Variants in EPHA3 observed in about 807,000 individuals in gnomAD.
EPHA3 encodes the protein ephrin type-A receptor 3.
EPHA3 carries 42 observed loss-of-function variants against 107.1 expected under a neutral mutation model. The ratio of observed to expected loss-of-function variants is 0.39; its 90% confidence interval spans 0.31 to 0.51. The LOEUF is 0.51. EPHA3 is among the 20% of genes least tolerant of loss of function. EPHA3 has a pLI of 0.78. For synonymous variants in EPHA3, 461 were observed against 424.8 expected, an observed-to-expected ratio of 1.09 and a Z score of -1.05; for missense variants, 1,183 against 1,211.2, an observed-to-expected ratio of 0.98 and a Z score of 0.35.
chr3:89,132,944 G>T (rs1271546629), intron 2 of EPHA3, among the ~76,000 whole-genome samples: 5 of 152,098 alleles, frequency 3.3e-5, no homozygotes, highest in African/African-American at 1.2e-4. Flanking sequence ...TCTAAAAAAA[G>T]GAATTAGAGT....
chr3:89,316,483 G>GTT (rs1706902361), intron 3 of EPHA3, among the ~76,000 whole-genome samples: 2 of 119,788 alleles, frequency 1.7e-5, no homozygotes, highest in African/African-American at 6.4e-5. Context: ...ATATATGTGT[G>GTT]TGTGTGTGTG....
intron 5 of EPHA3, among the ~76,000 whole-genome samples, chr3:89,377,827 T>C (rs941070619): frequency 1.3e-5 from 2 of 152,114 alleles, no homozygotes; most frequent in African/African-American, 4.8e-5. Flanking sequence ...TATAATAGTT[T>C]CATACAGATC....
chr3:89,446,307 C>A (rs1303582072), intron 13 of EPHA3, among the ~76,000 whole-genome samples: 1 of 152,200 alleles, frequency 6.6e-6, no homozygotes, highest in East Asian at 1.9e-4. Context: ...ACAGCAGATA[C>A]CTCTCCAACA....
At chr3:89,177,077 T>C (rs1232653010) in intron 2 of EPHA3, among the ~76,000 whole-genome samples, 1 of 149,620 alleles carries the variant, frequency 6.7e-6, no homozygotes, top group Non-Finnish European at 1.5e-5. Flanking sequence ...TCACTCTGCG[T>C]GTGTGTGTGT....
At chr3:89,282,916 G>T (rs1158106403) in intron 3 of EPHA3, among the ~76,000 whole-genome samples, 2 of 152,042 alleles carry the variant, frequency 1.3e-5, no homozygotes, top group Non-Finnish European at 2.9e-5. Flanking sequence ...CCACTGAAAG[G>T]CTTTGCCTTT....
intron 3 of EPHA3, among the ~76,000 whole-genome samples, chr3:89,322,478 G>GA (rs1206085476): frequency 2.6e-5 from 4 of 152,056 alleles, no homozygotes; most frequent in Non-Finnish European, 4.4e-5. Flanking sequence ...TACTTACTGA[G>GA]AAAAAAGACT....
At chr3:89,229,287 T>G (rs1308635645) in intron 3 of EPHA3, among the ~76,000 whole-genome samples, 1 of 151,912 alleles carries the variant, frequency 6.6e-6, no homozygotes, top group East Asian at 1.9e-4. Flanking sequence ...GATAAATTAC[T>G]CTGTAATTTA....
intron 1 of EPHA3, among the ~76,000 whole-genome samples, chr3:89,126,033 T>C (rs1704090317): frequency 6.6e-6 from 1 of 151,778 alleles, no homozygotes; most frequent in Non-Finnish European, 1.5e-5. Flanking sequence ...AGATGACTTT[T>C]AAAAGGATGG....
At chr3:89,236,583 G>A (rs1211860039) in intron 3 of EPHA3, among the ~76,000 whole-genome samples, 5 of 86,404 alleles carry the variant, frequency 5.8e-5, no homozygotes, top group African/African-American at 2.9e-4. Context: ...GACTGTTGTG[G>A]GGTGGGGGGA....
intron 3 of EPHA3, among the ~76,000 whole-genome samples, chr3:89,323,114 G>A (rs1224043238): frequency 3.3e-5 from 5 of 152,046 alleles, no homozygotes; most frequent in Admixed American, 2.0e-4. Context: ...ACTAAGTAAA[G>A]GCAAATGTGG....
intron 5 of EPHA3, among the ~76,000 whole-genome samples, chr3:89,393,456 T>C (rs1467778990): frequency 1.3e-5 from 2 of 152,220 alleles, no homozygotes; most frequent in Non-Finnish European, 2.9e-5. Context: ...TCACTTTTCT[T>C]TTTTTAAAGG....
At chr3:89,432,960 A>G (rs774083251) in intron 13 of EPHA3, among the ~76,000 whole-genome samples, 1 of 152,102 alleles carries the variant, frequency 6.6e-6, no homozygotes, top group Non-Finnish European at 1.5e-5. Context: ...CTCTATTCAT[A>G]TACATAATTT....
chr3:89,353,309 C>T (rs1359731182), intron 5 of EPHA3, among the ~76,000 whole-genome samples: 1 of 151,190 alleles, frequency 6.6e-6, no homozygotes, highest in African/African-American at 2.4e-5. Flanking sequence ...TTTTCAGCGC[C>T]AATGTAGCGA....
At chr3:89,351,618 T>G (rs1707822341) in intron 5 of EPHA3, among the ~76,000 whole-genome samples, 1 of 151,326 alleles carries the variant, frequency 6.6e-6, no homozygotes, top group South Asian at 2.1e-4. Flanking sequence ...GAGCTGTTCC[T>G]ATTCGGCCAT....
At chr3:89,478,358 T>C (rs1350779275) in intron 16 of EPHA3, among the ~76,000 whole-genome samples, 1 of 152,236 alleles carries the variant, frequency 6.6e-6, no homozygotes, top group Non-Finnish European at 1.5e-5. Context: ...AAGAGGTTTA[T>C]TATACATCAT....
chr3:89,302,130 T>G (rs1166176651), intron 3 of EPHA3, among the ~76,000 whole-genome samples: 1 of 152,150 alleles, frequency 6.6e-6, no homozygotes, highest in Non-Finnish European at 1.5e-5. Context: ...GATGGCATAG[T>G]GTCATCTTAA....
At chr3:89,189,180 A>G (rs867291563) in intron 2 of EPHA3, among the ~76,000 whole-genome samples, 31 of 152,246 alleles carry the variant, frequency 2.0e-4, no homozygotes, top group African/African-American at 6.8e-4. Context: ...TCCTTACCTT[A>G]TGAAATGAGA....
Position 89,248,735 on chromosome 3 carries a change from C to A in EPHA3, c.814+38215C>A, listed in dbSNP as rs567662756. Among the ~76,000 whole-genome samples the A allele has an allele frequency of 9.9e-5, 15 of 152,246 alleles. No homozygotes were observed. In the South Asian group the frequency reaches 2.9e-3, roughly 29 times the overall value. On this transcript the variant is annotated intron_variant, in intron 3 of 16. Transcript: ENST00000336596. ...GGAATTTGGTTGTGGCAATTCCAGG[C>A]ATTATATCCAGAAAAAGGGAGATTG...
chr3:89,154,396 C>T (rs563099622), intron 2 of EPHA3, among the ~76,000 whole-genome samples: 1 of 151,606 alleles, frequency 6.6e-6, no homozygotes, highest in Admixed American at 6.6e-5. Context: ...GTCATTTCTC[C>T]ATGATTTTTT....
Sources: allele counts gnomAD v4.1 joint callset (sites outside exome capture counted in the v4.1 genomes callset), GRCh38; gene constraint gnomAD v4.1.1; transcripts MANE v1.5; gene names NCBI Gene and HGNC (gene_info 2026-07-23, HGNC 2026-07-21).